Variants in CDC14B observed in about 807,000 individuals in gnomAD.
CDC14B encodes cell division cycle 14B.
In CDC14B, 22 loss-of-function variants were observed where a neutral mutation model predicts 64.2. The ratio of observed to expected loss-of-function variants is 0.34; its 90% CI spans 0.24 to 0.49. The LOEUF (loss-of-function observed/expected upper bound fraction) is 0.49, where lower values mean the gene tolerates loss of function less well. CDC14B is among the 20% of genes least tolerant of loss of function. CDC14B has a pLI of 0.99. For missense variants in CDC14B, 498 were observed against 629.9 expected (o/e 0.79, Z 2.24); for synonymous variants, 191 against 215.8 (o/e 0.89, Z 1.01).
intron 12 of CDC14B, among the ~76,000 whole-genome samples, chr9:96,518,995 G>T (rs1836217395): frequency 6.6e-6 from 1 of 152,010 alleles, no homozygotes. Flanking sequence ...ATTTAGCCGG[G>T]CGTGGTGGTG....
At chr9:96,611,102 A>AG (rs1554781903) in intron 1 of CDC14B, among the ~76,000 whole-genome samples, 4 of 151,868 alleles carry the variant, frequency 2.6e-5, no homozygotes, top group East Asian at 1.9e-4. Context: ...AAAAAAAAAA[A>AG]AGAGAGAGAG....
chr9:96,556,734 A>AT (rs1161541053), intron 4 of CDC14B, among the ~76,000 whole-genome samples: 3 of 152,158 alleles, frequency 2.0e-5, no homozygotes, highest in Non-Finnish European at 2.9e-5. Flanking sequence ...TGGTAGGGAC[A>AT]TTTTTTAAAG....
intron 7 of CDC14B, 76 bp downstream of exon 7, chr9:96,539,002 T>A (rs1839672282): frequency 1.1e-6 from 1 of 932,804 alleles, no homozygotes. Context: ...TATATAAGTT[T>A]TATTTGTCAA....
chr9:96,496,244 C>T (rs1044580401), downstream of CDC14B: 1 of 483,176 alleles, frequency 2.1e-6, no homozygotes, highest in Non-Finnish European at 4.1e-6. Context: ...AGAGAACTTG[C>T]AGTGGGCAAC....
intron 1 of CDC14B, among the ~76,000 whole-genome samples, chr9:96,594,738 A>T (rs1020735116): frequency 6.8e-6 from 1 of 147,342 alleles, no homozygotes; most frequent in Admixed American, 6.8e-5. Context: ...AAAAAAAAAA[A>T]GCCCAGGAGA....
At position 96,502,882 on chromosome 9, in the gene CDC14B, T is replaced by C; in HGVS notation, c.*871A>G. ...TTTTTTTTTTGTAAGCCGACATTAT[T>C]TGGGATTGCTGTTTCCAAGGGGAAA... On this transcript the variant is annotated 3_prime_UTR_variant, in exon 14 of 14. Coordinates refer to ENST00000375241, the MANE Select transcript of CDC14B (RefSeq NM_033331.4). The C allele has an allele frequency of 5.0e-6, 2 of 398,538 alleles. No homozygotes were observed. Among genetic ancestry groups the C allele is most frequent in the Non-Finnish European group, 8.8e-6 (2 of 226,022 alleles). 24.7% of individuals were successfully genotyped at this position (398,538 alleles called of 1,614,324 possible). A position where few individuals can be genotyped will look rare whatever the true frequency, so the allele number is the denominator to read the frequency against.
chr9:96,554,568 C>T (rs569342757), intron 4 of CDC14B, among the ~76,000 whole-genome samples: 2 of 152,226 alleles, frequency 1.3e-5, no homozygotes, highest in African/African-American at 4.8e-5. Context: ...GAAAAAACCC[C>T]TAAATTCCTG....
intron 7 of CDC14B, among the ~76,000 whole-genome samples, chr9:96,537,675 G>A (rs1371355046): frequency 2.0e-5 from 3 of 152,234 alleles, no homozygotes; most frequent in African/African-American, 7.2e-5. Context: ...GAAGGGGCAT[G>A]CTAGAAGCCA....
At chr9:96,519,123 G>A (rs566929323) in intron 12 of CDC14B, among the ~76,000 whole-genome samples, 6 of 151,954 alleles carry the variant, frequency 3.9e-5, no homozygotes, top group East Asian at 1.9e-4. Flanking sequence ...GCGACAGGGC[G>A]ATACTCTGTC....
chr9:96,583,804 C>T lies in CDC14B; in HGVS notation c.161-18321G>A, dbSNP rs1051052630. On this transcript the variant is annotated intron_variant, in intron 1 of 13. Coordinates refer to ENST00000375241, the MANE Select transcript of CDC14B (RefSeq NM_033331.4). The stretch of plus-strand genomic sequence containing the variant: ...CGCGATCTAGGCTCCCTGCAAGCTC[C>T]GCCTCCCGGGTTCACACCATTCTCC... Among the ~76,000 whole-genome samples the T allele has an allele frequency of 9.2e-5, 14 of 152,160 alleles. No individual in the cohort carries two copies. In the South Asian group the frequency reaches 2.5e-3, roughly 27 times the overall value.
Position 96,501,777 on chromosome 9 carries a change from C to G in CDC14B, c.*1976G>C, listed in dbSNP as rs41306475. On this transcript the variant is annotated 3_prime_UTR_variant, in exon 14 of 14. Coordinates refer to ENST00000375241, the MANE Select transcript of CDC14B (RefSeq NM_033331.4). ...TGGTTCCAGTGACACCCTTTCTTTTCTTGGACGAAACACCAGGAGGCTCAT... is the reference window on the plus strand; with the variant it reads ...TGGTTCCAGTGACACCCTTTCTTTTGTTGGACGAAACACCAGGAGGCTCAT... The G allele has an allele frequency of 5.3e-5, 8 of 152,158 alleles. No homozygotes were observed. Among genetic ancestry groups the G allele is most frequent in the Non-Finnish European group, 1.0e-4 (7 of 68,044 alleles). 9.4% of individuals were successfully genotyped at this position (152,158 alleles called of 1,614,324 possible). A position where few individuals can be genotyped will look rare whatever the true frequency, so the allele number is the denominator to read the frequency against.
chr9:96,525,111 G>A (rs1196922879), intron 9 of CDC14B, among the ~76,000 whole-genome samples: 1 of 152,168 alleles, frequency 6.6e-6, no homozygotes, highest in Non-Finnish European at 1.5e-5. Context: ...AGGAACTAGA[G>A]TCAGAAAATT....
chr9:96,554,742 AC>A (rs1460274507), intron 4 of CDC14B, among the ~76,000 whole-genome samples: 1 of 152,174 alleles, frequency 6.6e-6, no homozygotes, highest in Non-Finnish European at 1.5e-5. Context: ...TATAACTTTT[AC>A]CTTTTTTTCT....
intron 13 of CDC14B, among the ~76,000 whole-genome samples, chr9:96,508,179 C>A (rs1441509143): frequency 1.3e-5 from 2 of 151,956 alleles, no homozygotes; most frequent in African/African-American, 2.4e-5. Context: ...CCACACCTGG[C>A]TAATTTTTGT....
intron 3 of CDC14B, 109 bp from the exon 4 acceptor site, chr9:96,562,894 A>G: frequency 1.4e-6 from 1 of 737,674 alleles, no homozygotes; most frequent in South Asian, 1.7e-5. Flanking sequence ...TCATATTATT[A>G]GCAAGACCTT....
chr9:96,564,981 T>TA (rs1376110085), intron 2 of CDC14B, 129 bp from the exon 3 acceptor site: 1 of 586,628 alleles, frequency 1.7e-6, no homozygotes, highest in Non-Finnish European at 2.9e-6. Flanking sequence ...CAATACAACT[T>TA]AAAGGTACTG....
intron 1 of CDC14B, among the ~76,000 whole-genome samples, chr9:96,570,008 T>C (rs1844377613): frequency 1.3e-5 from 2 of 152,240 alleles, no homozygotes; most frequent in East Asian, 3.8e-4. Flanking sequence ...AGCAGTCATC[T>C]TTTTGCCTAT....
intron 12 of CDC14B, among the ~76,000 whole-genome samples, chr9:96,514,131 C>T (rs572020393): frequency 2.0e-4 from 31 of 152,244 alleles, no homozygotes; most frequent in African/African-American, 5.1e-4. Flanking sequence ...CAATGGCAAA[C>T]GTCATTACCA....
chr9:96,617,909 C>T (rs1847736371), intron 1 of CDC14B, among the ~76,000 whole-genome samples: 1 of 152,178 alleles, frequency 6.6e-6, no homozygotes, highest in Non-Finnish European at 1.5e-5. Context: ...CATCCGTCCT[C>T]GGCGAGGCCC....
Sources: allele counts gnomAD v4.1 joint callset (sites outside exome capture counted in the v4.1 genomes callset), GRCh38; gene constraint gnomAD v4.1.1; transcripts MANE v1.5; gene names NCBI Gene and HGNC (gene_info 2026-07-23, HGNC 2026-07-21).